The following SOCS7 variants were observed in gnomAD, a reference collection of about 807,000 sequenced individuals.
The protein encoded by SOCS7 is NAP-4.
In SOCS7, 18 loss-of-function variants were observed where a neutral mutation model predicts 58.9. The observed-to-expected ratio is 0.31, with a 90% CI of 0.21 to 0.45. The LOEUF is 0.45. Among genes scored for constraint, SOCS7 ranks in the 20% least tolerant of loss-of-function variants. The pLI, the probability that SOCS7 is intolerant of heterozygous loss-of-function variation, is 1.00. For missense variants in SOCS7, 667 were observed against 837.3 expected (o/e 0.80, Z 2.51); for synonymous variants, 388 against 364.3 (o/e 1.06, Z -0.74).
At chr17:38,374,722 A>T (rs2037909963) in intron 6 of SOCS7, among the ~76,000 whole-genome samples, 1 of 152,222 alleles carries the variant, frequency 6.6e-6, no homozygotes, top group African/African-American at 2.4e-5. Flanking sequence ...ACATCAGAGG[A>T]ATTAACTGAA....
chr17:38,379,180 C>CA (rs71138613), intron 7 of SOCS7, among the ~76,000 whole-genome samples: 6,480 of 121,302 alleles, frequency 0.053, 228 homozygotes, highest in African/African-American at 0.11. Context: ...CAAAAAAAAA[C>CA]AAAAAAAAAA....
chr17:38,366,972 A>G (rs2037798359), intron 5 of SOCS7, among the ~76,000 whole-genome samples: 1 of 152,254 alleles, frequency 6.6e-6, no homozygotes, highest in African/African-American at 2.4e-5. Flanking sequence ...TGATTTTGAT[A>G]GATTAACTGA....
At chr17:38,363,367 A>C (rs1312659867) in intron 2 of SOCS7, among the ~76,000 whole-genome samples, 1 of 152,138 alleles carries the variant, frequency 6.6e-6, no homozygotes, top group Non-Finnish European at 1.5e-5. Context: ...ACAGGGCCTC[A>C]CTTTGTCTCC....
chr17:38,384,579 C>A (rs531035232), intron 7 of SOCS7, among the ~76,000 whole-genome samples: 3 of 151,960 alleles, frequency 2.0e-5, no homozygotes, highest in African/African-American at 7.3e-5. Context: ...CAGGTGTGAA[C>A]CACCATGCCC....
At chr17:38,387,131 A>ATATATATATATGTGTGTGTGTG (rs1163854242) in intron 7 of SOCS7, among the ~76,000 whole-genome samples, 6 of 87,904 alleles carry the variant, frequency 6.8e-5, no homozygotes, top group African/African-American at 2.6e-4. Context: ...ATATATATGT[A>ATATATATATATGTGTGTGTGTG]TGTATATATA....
At chr17:38,389,897 A>ATATATATGTACATATATATATG (rs1400191697) in intron 7 of SOCS7, among the ~76,000 whole-genome samples, 3 of 77,372 alleles carry the variant, frequency 3.9e-5, no homozygotes, top group African/African-American at 2.4e-4. Flanking sequence ...ATATATATAT[A>ATATATATGTACATATATATATG]TACACATATA....
chr17:38,362,901 A>G (rs1011692778), intron 2 of SOCS7, among the ~76,000 whole-genome samples: 5 of 152,322 alleles, frequency 3.3e-5, no homozygotes, highest in South Asian at 2.1e-4. Flanking sequence ...ATCTGAGGTC[A>G]GGTGTTTCAG....
In SOCS7 at chr17:38,379,868, T is replaced by C. The variant is rs146447981; in HGVS notation, c.1681+2026T>C. Among the ~76,000 whole-genome samples, 7 of 152,328 alleles carry C rather than the reference T, an allele frequency of 4.6e-5. No homozygotes were observed. The East Asian group carries it at 1.3e-3, about 29-fold the overall frequency. Reference sequence around the variant, plus strand: ...GGGGGGTTTTTATTTAACAAACATTTATTTTGTAACTTAATTATCAAAAAT... The same window carrying C: ...GGGGGGTTTTTATTTAACAAACATTCATTTTGTAACTTAATTATCAAAAAT... On this transcript the variant is annotated intron_variant, in intron 7 of 9. Transcript: ENST00000612932.
chr17:38,363,777 T>A (rs960983928), intron 2 of SOCS7, among the ~76,000 whole-genome samples: 1 of 152,110 alleles, frequency 6.6e-6, no homozygotes. Context: ...GGGGAAACAT[T>A]TAAAATACTA....
At chr17:38,389,861 G>GTACATATATATATATATA in intron 7 of SOCS7, among the ~76,000 whole-genome samples, 14 of 2,374 alleles carry the variant, frequency 5.9e-3, no homozygotes, top group African/African-American at 0.012. Flanking sequence ...TGGTGTGTAT[G>GTACATATATATATATATA]TGTGTACATA....
intron 7 of SOCS7, among the ~76,000 whole-genome samples, chr17:38,387,082 T>TAA (rs1214323571): frequency 0.012 from 567 of 48,628 alleles, 8 homozygotes; most frequent in Middle Eastern, 0.025. Context: ...ACTCTTATCT[T>TAA]AAAAAAAAAA....
chr17:38,361,833 G>A (rs2037724163), intron 2 of SOCS7, 58 bp downstream of exon 2: 7 of 1,251,296 alleles, frequency 5.6e-6, no homozygotes, highest in Admixed American at 4.2e-5. Flanking sequence ...TCTGAGACCT[G>A]TTGGGAAACA....
intron 7 of SOCS7, 128 bp from the exon 8 acceptor site, chr17:38,395,181 T>C (rs2038229152): frequency 1.1e-6 from 1 of 874,670 alleles, no homozygotes. Flanking sequence ...TGGAGGGGCT[T>C]TTGCACAGAA....
At chr17:38,380,155 G>A (rs2037982402) in intron 7 of SOCS7, among the ~76,000 whole-genome samples, 1 of 152,188 alleles carries the variant, frequency 6.6e-6, no homozygotes. Flanking sequence ...TTGTACAAAT[G>A]TACCCTGTCT....
chr17:38,385,491 G>A (rs1233337762), intron 7 of SOCS7, among the ~76,000 whole-genome samples: 3 of 148,560 alleles, frequency 2.0e-5, no homozygotes, highest in Admixed American at 6.7e-5. Flanking sequence ...CATATGCATG[G>A]TTTAATATTA....
At position 38,403,698 on chromosome 17, in the gene SOCS7, T is replaced by C. The variant is rs1221580942; in HGVS notation, c.*4216T>C. 6.6e-6 allele frequency: 1 copy of C among 152,130 alleles called. No homozygotes were observed. The highest frequency in any genetic ancestry group is 2.4e-5 in the African/African-American group (1 of 41,418). 9.4% of individuals were successfully genotyped at this position (152,130 alleles called of 1,614,324 possible). On this transcript the variant is annotated 3_prime_UTR_variant, in exon 10 of 10. Coordinates refer to ENST00000612932, the MANE Select transcript of SOCS7 (RefSeq NM_014598.4). The stretch of plus-strand genomic sequence containing the variant: ...ATCTCCACTGGGCGGAGACCTGGCA[T>C]TTGTTTTCCACTGTTAAGAGAATGA...
chr17:38,361,962 G>A (rs2037726323), intron 2 of SOCS7, among the ~76,000 whole-genome samples, 187 bp downstream of exon 2: 1 of 152,200 alleles, frequency 6.6e-6, no homozygotes, highest in East Asian at 1.9e-4. Context: ...GACTTTGGAT[G>A]CTTTATAGTT....
intron 7 of SOCS7, among the ~76,000 whole-genome samples, chr17:38,381,855 T>TA (rs1385033484): frequency 6.7e-6 from 1 of 148,368 alleles, no homozygotes; most frequent in Non-Finnish European, 1.5e-5. Context: ...TCCTAGCTAT[T>TA]TAGGAGGCTG....
chr17:38,369,673 A>AATT (rs1201786248), intron 6 of SOCS7, among the ~76,000 whole-genome samples: 5 of 134,818 alleles, frequency 3.7e-5, no homozygotes, highest in Non-Finnish European at 7.7e-5. Flanking sequence ...TTCTCCGATT[A>AATT]CTTTTTTTTT....
Sources: gnomAD v4.1 joint callset for allele counts (sites outside exome capture counted in the v4.1 genomes callset) on GRCh38, gnomAD v4.1.1 for gene constraint, MANE v1.5 for transcripts, NCBI Gene and HGNC (gene_info 2026-07-23, HGNC 2026-07-21) for gene names.